Variants in SEL1L2 observed in about 807,000 individuals in gnomAD.
SEL1L2 encodes protein sel-1 homolog 2.
Under a neutral mutation model 98.8 loss-of-function variants are expected in SEL1L2, and 89 were observed. The ratio of observed to expected loss-of-function variants is 0.90; its 90% CI spans 0.76 to 1.07. The LOEUF is 1.07. Ranked by LOEUF, SEL1L2 falls within the 50% of genes least tolerant of loss-of-function variation. SEL1L2 has a pLI of 0.00. For missense variants in SEL1L2, 788 were observed against 812.0 expected (o/e 0.97, Z 0.36); for synonymous variants, 262 against 278.5 (o/e 0.94, Z 0.59).
intron 5 of SEL1L2, among the ~76,000 whole-genome samples, chr20:13,895,856 G>GAC (rs1446596403): frequency 6.6e-6 from 1 of 152,088 alleles, no homozygotes; most frequent in Admixed American, 6.6e-5. Context: ...CTAAAGATTA[G>GAC]ACACACACAC....
intron 1 of SEL1L2, among the ~76,000 whole-genome samples, chr20:13,957,237 G>T (rs1368083343): frequency 6.6e-6 from 1 of 151,838 alleles, no homozygotes; most frequent in Non-Finnish European, 1.5e-5. Context: ...AGTAGCTGGG[G>T]TTACAGACAT....
intron 10 of SEL1L2, among the ~76,000 whole-genome samples, chr20:13,883,115 T>C (rs6042411): frequency 0.11 from 16,713 of 152,080 alleles, 999 homozygotes; most frequent in African/African-American, 0.15. Context: ...CCACCGCGCC[T>C]GGCCTCAATT....
At chr20:13,958,403 G>T (rs1297619669) in intron 1 of SEL1L2, among the ~76,000 whole-genome samples, 1 of 152,032 alleles carries the variant, frequency 6.6e-6, no homozygotes, top group Non-Finnish European at 1.5e-5. Context: ...AATAAATGTG[G>T]TTATGTTACA....
chr20:13,976,228 C>G (rs1161878985), intron 1 of SEL1L2, among the ~76,000 whole-genome samples: 2 of 151,940 alleles, frequency 1.3e-5, no homozygotes, highest in African/African-American at 4.8e-5. Flanking sequence ...TCTCGATCTC[C>G]TGACCTCGTG....
At chr20:13,859,895 G>A (rs1322057448) in intron 17 of SEL1L2, among the ~76,000 whole-genome samples, 1 of 152,134 alleles carries the variant, frequency 6.6e-6, no homozygotes, top group Non-Finnish European at 1.5e-5. Flanking sequence ...GTAGAGACAG[G>A]GTTTCACCAT....
chr20:13,907,028 T>G (rs574483354), intron 5 of SEL1L2, among the ~76,000 whole-genome samples: 1 of 152,298 alleles, frequency 6.6e-6, no homozygotes, highest in Admixed American at 6.5e-5. Flanking sequence ...TCTTTGCCAT[T>G]AAAATAGAAT....
Position 13,865,257 on chromosome 20 carries a change from A to G in SEL1L2, c.1571-16T>C. On this transcript the variant is annotated splice_polypyrimidine_tract_variant and intron_variant, in intron 16 of 19. Transcript: ENST00000284951. ...TTAGCCTTTTCTAAAAAGAGGAGAC[A>G]TTCCATTAGGAAGGCTTAAAATGCC... 6.2e-7 allele frequency: 1 copy of G among 1,612,362 alleles called. No homozygotes were observed. Among genetic ancestry groups the G allele is most frequent in the South Asian group, 1.1e-5 (1 of 91,018 alleles).
At chr20:13,858,729 C>T (rs1989557959) in intron 18 of SEL1L2, among the ~76,000 whole-genome samples, 1 of 152,192 alleles carries the variant, frequency 6.6e-6, no homozygotes, top group African/African-American at 2.4e-5. Flanking sequence ...GACTCATCGC[C>T]TCAAGTCAAG....
chr20:13,907,279 T>C (rs765370715), intron 5 of SEL1L2, among the ~76,000 whole-genome samples: 18 of 152,152 alleles, frequency 1.2e-4, no homozygotes, highest in Non-Finnish European at 2.2e-4. Context: ...AAAAGCATTT[T>C]TTGAAAGAAA....
intron 1 of SEL1L2, among the ~76,000 whole-genome samples, chr20:13,986,335 T>C (rs540436431): frequency 1.3e-5 from 2 of 152,184 alleles, no homozygotes; most frequent in Non-Finnish European, 2.9e-5. Context: ...AGCCATTACC[T>C]TTCTACAGTT....
intron 10 of SEL1L2, among the ~76,000 whole-genome samples, chr20:13,878,688 C>G (rs1017858489): frequency 1.3e-5 from 2 of 152,136 alleles, no homozygotes; most frequent in African/African-American, 4.8e-5. Context: ...AACCTCATGG[C>G]GTCATGCATC....
intron 5 of SEL1L2, among the ~76,000 whole-genome samples, chr20:13,904,926 T>A (rs113094225): frequency 4.5e-4 from 68 of 152,330 alleles, no homozygotes; most frequent in African/African-American, 1.5e-3. Context: ...TGGATCCTTT[T>A]GTGCGGTGCC....
rs769242567 is a variant in SEL1L2, at chr20:13,849,457, G to A, written c.*28C>T. 2.7e-5 allele frequency: 43 copies of A among 1,611,410 alleles called. 1 individual carries two copies. In the South Asian group the frequency reaches 3.1e-4, roughly 12 times the overall value. ...GATACCTTGGAGTGAACTGATTCCC[G>A]TGAGCAGGTTTTCCTGTGATCCGCA... On this transcript the variant is annotated 3_prime_UTR_variant, in exon 20 of 20. Coordinates refer to ENST00000284951, the MANE Select transcript of SEL1L2 (RefSeq NM_025229.2).
chr20:13,862,131 T>C (rs1990238472), intron 17 of SEL1L2, among the ~76,000 whole-genome samples: 1 of 152,196 alleles, frequency 6.6e-6, no homozygotes, highest in Non-Finnish European at 1.5e-5. Context: ...ACTTGATAAA[T>C]ACATATAGAA....
At chr20:13,886,036 C>T (rs78401850) in intron 9 of SEL1L2, among the ~76,000 whole-genome samples, 1 of 123,886 alleles carries the variant, frequency 8.1e-6, no homozygotes, top group Non-Finnish European at 1.7e-5. Context: ...GACTCCAACT[C>T]AAAAAAAAAA....
intron 5 of SEL1L2, among the ~76,000 whole-genome samples, chr20:13,906,534 C>A (rs956800145): frequency 4.6e-5 from 7 of 152,060 alleles, no homozygotes; most frequent in African/African-American, 1.7e-4. Context: ...ACAAAAAGAA[C>A]ATTAACATCA....
chr20:13,907,191 T>A (rs1240240991), intron 5 of SEL1L2, among the ~76,000 whole-genome samples: 1 of 152,072 alleles, frequency 6.6e-6, no homozygotes, highest in Non-Finnish European at 1.5e-5. Flanking sequence ...AGTGTATACA[T>A]CTAAGTTAAA....
intron 1 of SEL1L2, among the ~76,000 whole-genome samples, chr20:13,978,741 T>C (rs2051666289): frequency 6.6e-6 from 1 of 151,900 alleles, no homozygotes; most frequent in Non-Finnish European, 1.5e-5. Flanking sequence ...ATATACACAA[T>C]GAAATATTAT....
Position 13,931,606 on chromosome 20 carries a change from G to T in SEL1L2, c.280C>A (p.His94Asn). Residue 94 changes from histidine (H) to asparagine (N), a missense_variant, in exon 3 of 20, where the codon CAT becomes AAT. Coordinates refer to ENST00000284951, the MANE Select transcript of SEL1L2 (RefSeq NM_025229.2). ...NKDILKRNKN[H>N]LQKQAEKNFT... ...TGTGAAAAGATATTCTACTTACAAT[G>T]ATTCTTATTTCTCTTCAAGATATCT... The T allele has an allele frequency of 1.5e-6, 2 of 1,365,870 alleles. No individual in the cohort carries two copies. Among genetic ancestry groups the T allele is most frequent in the South Asian group, 2.8e-5 (2 of 72,588 alleles). 84.6% of individuals were successfully genotyped at this position (1,365,870 alleles called of 1,614,324 possible). A position where few individuals can be genotyped will look rare whatever the true frequency, so the allele number is the denominator to read the frequency against.
Sources: allele counts gnomAD v4.1 joint callset (sites outside exome capture counted in the v4.1 genomes callset), GRCh38; gene constraint gnomAD v4.1.1; transcripts MANE v1.5; gene names NCBI Gene and HGNC (gene_info 2026-07-23, HGNC 2026-07-21).